DYNC1I1: variants seen among roughly 807,000 people sequenced by gnomAD.
DYNC1I1 encodes the protein cytoplasmic dynein 1 intermediate chain 1.
A neutral mutation model predicts 86.6 loss-of-function variants in DYNC1I1; 43 were observed. The observed-to-expected ratio is 0.50, with a 90% CI of 0.39 to 0.64. The LOEUF is 0.64. Among genes scored for constraint, DYNC1I1 ranks in the 30% least tolerant of loss-of-function variants. The probability of loss-of-function intolerance (pLI) is 0.00; values close to 1 mark genes in which losing one functional copy is unlikely to be tolerated. For missense variants in DYNC1I1, 604 were observed against 788.8 expected (o/e 0.77, Z 2.81); for synonymous variants, 262 against 283.7 (o/e 0.92, Z 0.77).
intron 6 of DYNC1I1, among the ~76,000 whole-genome samples, chr7:95,903,598 A>T (rs1405969871): frequency 6.6e-6 from 1 of 152,258 alleles, no homozygotes; most frequent in East Asian, 1.9e-4. Context: ...TCATGTGAAT[A>T]TTCTGCAAAG....
chr7:95,937,551 G>A (rs1792080989), intron 6 of DYNC1I1, among the ~76,000 whole-genome samples: 4 of 149,964 alleles, frequency 2.7e-5, no homozygotes, highest in Admixed American at 1.3e-4. Flanking sequence ...AACAGCTATA[G>A]ATATATGCAT....
At chr7:96,065,168 C>T (rs529272688) in intron 14 of DYNC1I1, among the ~76,000 whole-genome samples, 7 of 152,202 alleles carry the variant, frequency 4.6e-5, no homozygotes, top group South Asian at 2.1e-4. Context: ...AGACCATCAA[C>T]GAATTCCTAA....
At chr7:96,047,819 C>T (rs1584276572) in intron 14 of DYNC1I1, among the ~76,000 whole-genome samples, 1 of 152,110 alleles carries the variant, frequency 6.6e-6, no homozygotes, top group Non-Finnish European at 1.5e-5. Context: ...ACAGAATTCA[C>T]CGCTATATAA....
At chr7:95,830,599 T>A (rs578009828) in intron 5 of DYNC1I1, among the ~76,000 whole-genome samples, 8 of 152,292 alleles carry the variant, frequency 5.3e-5, no homozygotes, top group African/African-American at 1.9e-4. Context: ...ATCCAGTCAC[T>A]TTTTATATAC....
intron 6 of DYNC1I1, among the ~76,000 whole-genome samples, chr7:95,888,898 A>C (rs1790665899): frequency 6.6e-6 from 1 of 152,176 alleles, no homozygotes; most frequent in Non-Finnish European, 1.5e-5. Context: ...CCTCCACTTA[A>C]ATCTGTAATT....
intron 16 of DYNC1I1, among the ~76,000 whole-genome samples, chr7:96,107,178 C>A (rs1791229317): frequency 6.6e-6 from 1 of 151,978 alleles, no homozygotes; most frequent in South Asian, 2.1e-4. Flanking sequence ...AGGTGCCCAC[C>A]ACCATACCTG....
chr7:95,917,071 A>G (rs1437436707), intron 6 of DYNC1I1, among the ~76,000 whole-genome samples: 1 of 152,144 alleles, frequency 6.6e-6, no homozygotes, highest in Non-Finnish European at 1.5e-5. Context: ...TGAGGTTCTT[A>G]TGTGAAAGTT....
intron 6 of DYNC1I1, among the ~76,000 whole-genome samples, chr7:95,923,329 T>TA (rs1791659907): frequency 6.6e-6 from 1 of 152,128 alleles, no homozygotes. Context: ...ACATAGTTAA[T>TA]AAAGCAATCT....
chr7:96,043,289 C>T (rs938564190), intron 14 of DYNC1I1, among the ~76,000 whole-genome samples: 2 of 151,684 alleles, frequency 1.3e-5, no homozygotes, highest in African/African-American at 4.8e-5. Context: ...TAGAAACAAC[C>T]TTTTTCATAA....
intron 6 of DYNC1I1, among the ~76,000 whole-genome samples, chr7:95,965,380 A>G (rs1245419683): frequency 6.6e-6 from 1 of 152,180 alleles, no homozygotes; most frequent in East Asian, 1.9e-4. Context: ...TGGAATGTGG[A>G]GCTTCAAAAA....
At chr7:95,994,588 T>C (rs1438841619) in intron 9 of DYNC1I1, among the ~76,000 whole-genome samples, 1 of 151,964 alleles carries the variant, frequency 6.6e-6, no homozygotes, top group Non-Finnish European at 1.5e-5. Flanking sequence ...TGAGGCTGGG[T>C]CATAGGCTGT....
intron 13 of DYNC1I1, 75 bp from the exon 14 acceptor site, chr7:96,039,202 G>T: frequency 6.6e-6 from 10 of 1,505,684 alleles, no homozygotes; most frequent in Admixed American, 4.6e-5. Flanking sequence ...AGGGTTTTTT[G>T]TTTTGTTTTG....
chr7:95,990,153 T>G (rs1793696060), intron 9 of DYNC1I1, among the ~76,000 whole-genome samples: 1 of 152,170 alleles, frequency 6.6e-6, no homozygotes. Context: ...CAAACATCAT[T>G]CCTTGGAAGA....
At chr7:96,030,434 A>G (rs1794783417) in intron 11 of DYNC1I1, among the ~76,000 whole-genome samples, 1 of 149,690 alleles carries the variant, frequency 6.7e-6, no homozygotes, top group Non-Finnish European at 1.5e-5. Flanking sequence ...TTTTTCTCTT[A>G]AACTGAGTTT....
chr7:95,789,821 C>T (rs1427702660), intron 1 of DYNC1I1, among the ~76,000 whole-genome samples: 4 of 152,062 alleles, frequency 2.6e-5, no homozygotes, highest in Non-Finnish European at 4.4e-5. Context: ...TGATGTAGCT[C>T]AATATATTTC....
intron 6 of DYNC1I1, among the ~76,000 whole-genome samples, chr7:95,897,806 A>G (rs563564695): frequency 2.0e-5 from 3 of 151,584 alleles, no homozygotes; most frequent in Non-Finnish European, 2.9e-5. Context: ...TAGAGAGATA[A>G]CATGCAATTA....
intron 5 of DYNC1I1, among the ~76,000 whole-genome samples, chr7:95,836,987 C>G (rs1246137273): frequency 6.6e-6 from 1 of 152,170 alleles, no homozygotes; most frequent in African/African-American, 2.4e-5. Flanking sequence ...CGTTCTCCGT[C>G]CAGCTTTGTT....
At chr7:95,820,746 A>C (rs1198114828) in intron 4 of DYNC1I1, among the ~76,000 whole-genome samples, 1 of 152,340 alleles carries the variant, frequency 6.6e-6, no homozygotes, top group East Asian at 1.9e-4. Flanking sequence ...GCATTTTAAA[A>C]ATAATAATAT....
chr7:95,977,933 G>T (rs1793350071), intron 7 of DYNC1I1, among the ~76,000 whole-genome samples: 3 of 152,128 alleles, frequency 2.0e-5, no homozygotes, highest in Admixed American at 2.0e-4. Flanking sequence ...GTAAAGCAAA[G>T]GACTAGATAT....
Sources: gnomAD v4.1 joint callset for allele counts (sites outside exome capture counted in the v4.1 genomes callset) on GRCh38, gnomAD v4.1.1 for gene constraint, MANE v1.5 for transcripts, NCBI Gene and HGNC (gene_info 2026-07-23, HGNC 2026-07-21) for gene names.